The following ASB3 variants were observed in gnomAD, a reference collection of about 807,000 sequenced individuals.
ASB3 encodes the protein ankyrin repeat and SOCS box containing 3.
Under a neutral mutation model 54.5 loss-of-function variants are expected in ASB3, and 41 were observed. The ratio of observed to expected loss-of-function variants is 0.75; its 90% CI spans 0.59 to 0.98. The LOEUF (loss-of-function observed/expected upper bound fraction) is 0.98, where lower values mean the gene tolerates loss of function less well. ASB3 is among the 50% of genes least tolerant of loss of function. The pLI, the probability that ASB3 is intolerant of heterozygous loss-of-function variation, is 0.00. For synonymous variants in ASB3, 266 were observed against 221.2 expected (o/e 1.20, Z -1.80); for missense variants, 733 against 620.0 (o/e 1.18, Z -1.94).
chr2:53,729,612 C>T (rs1453098489), intron 3 of ASB3, 42 bp from the exon 4 acceptor site: 1 of 1,578,180 alleles, frequency 6.3e-7, no homozygotes, highest in African/African-American at 1.3e-5. Flanking sequence ...AGCAAAAAGG[C>T]ATGTTTGTAG....
intron 2 of ASB3, among the ~76,000 whole-genome samples, chr2:53,761,608 C>T (rs900893561): frequency 6.6e-6 from 1 of 152,180 alleles, no homozygotes; most frequent in Non-Finnish European, 1.5e-5. Flanking sequence ...ATCACTTCCC[C>T]TGGTTCTCAG....
intron 9 of ASB3, among the ~76,000 whole-genome samples, chr2:53,678,050 A>G (rs1191583373): frequency 1.3e-5 from 2 of 152,094 alleles, no homozygotes; most frequent in Admixed American, 6.6e-5. Flanking sequence ...GATGTTTTGT[A>G]TGCTTATGTT....
At chr2:53,690,362 G>A (rs1468321705) in intron 9 of ASB3, among the ~76,000 whole-genome samples, 1 of 152,156 alleles carries the variant, frequency 6.6e-6, no homozygotes, top group Non-Finnish European at 1.5e-5. Flanking sequence ...CTAAAATCTA[G>A]CTCTTGGTCA....
At chr2:53,694,069 T>C (rs1669058388) in intron 8 of ASB3, 55 bp from the exon 9 acceptor site, 9 of 1,591,886 alleles carry the variant, frequency 5.7e-6, no homozygotes, top group Middle Eastern at 1.7e-4. Context: ...CAAGGGTTCG[T>C]ACTTGAAACA....
At chr2:53,762,945 G>C (rs1011429599) in intron 2 of ASB3, among the ~76,000 whole-genome samples, 1 of 152,188 alleles carries the variant, frequency 6.6e-6, no homozygotes, top group Non-Finnish European at 1.5e-5. Flanking sequence ...AGACAGTGAA[G>C]CAAAACTCTT....
At chr2:53,686,082 T>C (rs751667928) in intron 9 of ASB3, among the ~76,000 whole-genome samples, 1 of 152,228 alleles carries the variant, frequency 6.6e-6, no homozygotes, top group African/African-American at 2.4e-5. Context: ...TATTATCACA[T>C]GATTCTGCTC....
At chr2:53,750,686 A>C (rs1175711899) in intron 3 of ASB3, 97 bp downstream of exon 3, 2 of 1,302,010 alleles carry the variant, frequency 1.5e-6, no homozygotes, top group Non-Finnish European at 2.0e-6. Context: ...AAAAGAACAT[A>C]CTATAAGCAC....
Position 53,743,182 on chromosome 2 carries a change from T to TG in ASB3, c.355+7600dup, listed in dbSNP as rs1491170244. ...TTTTTACCTTTTTTTTTTTTTTTTT[T>TG]GCAGAGATGGGGTGGTCTCACTCTG... is the stretch of plus-strand genomic sequence containing the variant. On this transcript the variant is annotated intron_variant, in intron 3 of 9. Coordinates refer to ENST00000263634, the MANE Select transcript of ASB3 (RefSeq NM_016115.5). Among the ~76,000 whole-genome samples the TG allele has an allele frequency of 4.8e-3, 561 of 116,878 alleles. 3 individuals are homozygous for TG. The highest frequency in any genetic ancestry group is 0.017 in the African/African-American group (536 of 30,654). The allele number at this position is 116,878 out of a possible 152,430, so 76.7% of individuals were successfully genotyped here.
Position 53,716,672 on chromosome 2 carries a change from TTGTG to T in ASB3, c.672_675del (p.His224GlnfsTer42), listed in dbSNP as rs750835406. ...CTGGAGAGCAAAAGCTCCACACATT[TTGTG>T]TGTCCCTCTTGAGCAGCAATGAACA... On this transcript the variant is annotated frameshift_variant, in exon 6 of 10. Coordinates refer to ENST00000263634, the MANE Select transcript of ASB3 (RefSeq NM_016115.5). LOFTEE classifies it high-confidence loss of function. 2 of 1,614,036 alleles carry T rather than the reference TTGTG, an allele frequency of 1.2e-6. No individual in the cohort carries two copies. Among genetic ancestry groups the T allele is most frequent in the Non-Finnish European group, 1.7e-6 (2 of 1,180,012 alleles).
At chr2:53,707,559 A>T (rs1283026045) in intron 7 of ASB3, among the ~76,000 whole-genome samples, 1 of 151,852 alleles carries the variant, frequency 6.6e-6, no homozygotes, top group Non-Finnish European at 1.5e-5. Context: ...GAGGTGGAGA[A>T]TGGCATGAAC....
At position 53,745,140 on chromosome 2, in the gene ASB3, T is replaced by G. The variant is rs531609394; in HGVS notation, c.355+5643A>C. ...GCTGGATTTTTCACTTAGAATTTAT[T>G]ATAGCTATCAACAAGAATATCTTTA... On this transcript the variant is annotated intron_variant, in intron 3 of 9. Transcript: ENST00000263634. Among the ~76,000 whole-genome samples, 34 of 152,302 alleles carry G rather than the reference T, an allele frequency of 2.2e-4. No individual in the cohort carries two copies. The South Asian group carries it at 5.6e-3, about 25-fold the overall frequency.
At chr2:53,711,500 A>G (rs1392909518) in intron 7 of ASB3, among the ~76,000 whole-genome samples, 3 of 152,168 alleles carry the variant, frequency 2.0e-5, no homozygotes, top group Non-Finnish European at 2.9e-5. Context: ...GAAGAAAAAG[A>G]AGGCCAGGCG....
intron 3 of ASB3, among the ~76,000 whole-genome samples, chr2:53,745,323 C>G (rs1441132055): frequency 6.6e-6 from 1 of 152,098 alleles, no homozygotes; most frequent in Non-Finnish European, 1.5e-5. Context: ...TGTGTGCTAG[C>G]AAAAAGATGT....
rs188824729 is a variant in ASB3 at position 53,758,193 on chromosome 2, G to A, written c.196+7184C>T. Among the ~76,000 whole-genome samples, 541 of 152,306 alleles carry A rather than the reference G, an allele frequency of 3.6e-3. 5 individuals are homozygous for A. The highest frequency in any genetic ancestry group is 0.012 in the African/African-American group (518 of 41,574). On this transcript the variant is annotated intron_variant, in intron 2 of 9. Transcript: ENST00000263634. ...CCTTGTTGTCAGTGTAAACAAGGGC[G>A]TAGCCTGAAAACACTGAGACCACTG... is the stretch of plus-strand genomic sequence containing the variant.
chr2:53,773,434 T>A (rs969628971), intron 1 of ASB3, among the ~76,000 whole-genome samples: 3 of 152,086 alleles, frequency 2.0e-5, no homozygotes, highest in African/African-American at 7.2e-5. Context: ...TGACTTTTAT[T>A]TATTTTTTAT....
rs774167931 is a variant in ASB3, at chr2:53,714,613, G to A, written c.783-32C>T. 6 of 1,605,860 alleles carry A rather than the reference G, an allele frequency of 3.7e-6. No homozygotes were observed. The East Asian group carries it at 6.7e-5, about 18-fold the overall frequency. The stretch of plus-strand genomic sequence containing the variant: ...ATACACAAATTCAGGAGAATTTAGT[G>A]TTTGTATATGTGCATAAATGTAGGC... On this transcript the variant is annotated intron_variant, in intron 6 of 9. Transcript: ENST00000263634.
chr2:53,700,532 C>T lies in ASB3; in HGVS notation c.981-4G>A. 1 of 1,582,024 alleles carries T rather than the reference C, an allele frequency of 6.3e-7. No homozygotes were observed. The highest frequency in any genetic ancestry group is 8.5e-7 in the Non-Finnish European group (1 of 1,170,044). ...CACAATTCCAAAGAACTCACAGCTCCACCATAAAAAATAAAAACAAAAAAA... is the reference window on the plus strand; with the variant it reads ...CACAATTCCAAAGAACTCACAGCTCTACCATAAAAAATAAAAACAAAAAAA... On this transcript the variant is annotated splice_polypyrimidine_tract_variant and splice_region_variant and intron_variant, in intron 7 of 9. Transcript: ENST00000263634.
rs1341045967 is a variant in ASB3 at position 53,770,505 on chromosome 2, A to T, written c.-13-4920T>A. On this transcript the variant is annotated intron_variant, in intron 1 of 9. Coordinates refer to ENST00000263634, the MANE Select transcript of ASB3 (RefSeq NM_016115.5). ...CCGTGGACGAAGTTTATTTAAAAAA[A>T]AAAAAAAAAAAAAAAAAAGCTTGCA... Among the ~76,000 whole-genome samples, 24 of 150,892 alleles carry T rather than the reference A, an allele frequency of 1.6e-4. No homozygotes were observed. In the South Asian group the frequency reaches 4.8e-3, roughly 30 times the overall value.
chr2:53,699,342 C>T (rs568249438), intron 8 of ASB3, among the ~76,000 whole-genome samples: 1 of 152,180 alleles, frequency 6.6e-6, no homozygotes, highest in South Asian at 2.1e-4. Flanking sequence ...CAAACCACAG[C>T]AGTAGGTATC....
Sources: allele counts gnomAD v4.1 joint callset (sites outside exome capture counted in the v4.1 genomes callset), GRCh38; gene constraint gnomAD v4.1.1; transcripts MANE v1.5; gene names NCBI Gene and HGNC (gene_info 2026-07-23, HGNC 2026-07-21).